Variants in MAN1A2 observed in about 807,000 individuals in gnomAD.
The protein encoded by MAN1A2 is mannosyl-oligosaccharide 1,2-alpha-mannosidase IB.
A neutral mutation model predicts 75.7 loss-of-function variants in MAN1A2; 26 were observed. The ratio of observed to expected loss-of-function variants is 0.34; its 90% CI spans 0.25 to 0.48. The LOEUF is 0.48. Among genes scored for constraint, MAN1A2 ranks in the 20% least tolerant of loss-of-function variants. The pLI is 0.99. For synonymous variants in MAN1A2, 247 were observed against 264.6 expected (o/e 0.93, Z 0.65); for missense variants, 562 against 775.5 (o/e 0.72, Z 3.27).
At chr1:117,522,224 T>C (rs1208024014) in intron 12 of MAN1A2, among the ~76,000 whole-genome samples, 1 of 151,806 alleles carries the variant, frequency 6.6e-6, no homozygotes, top group Non-Finnish European at 1.5e-5. Flanking sequence ...CCAATATTCC[T>C]CCTGAACATA....
At chr1:117,488,504 C>T (rs947164894) in intron 8 of MAN1A2, among the ~76,000 whole-genome samples, 2 of 151,670 alleles carry the variant, frequency 1.3e-5, no homozygotes, top group Non-Finnish European at 1.5e-5. Flanking sequence ...CTGCAAATGG[C>T]CATTTTATAT....
chr1:117,503,158 T>C (rs1035538200), intron 12 of MAN1A2, among the ~76,000 whole-genome samples, 188 bp downstream of exon 12: 3 of 151,578 alleles, frequency 2.0e-5, no homozygotes, highest in African/African-American at 7.3e-5. Flanking sequence ...GTAGGTATTT[T>C]ATCAAAAAAG....
At chr1:117,380,764 A>AGTATACACTG (rs1219590345) in intron 1 of MAN1A2, among the ~76,000 whole-genome samples, 6 of 152,156 alleles carry the variant, frequency 3.9e-5, no homozygotes, top group Non-Finnish European at 8.8e-5. Flanking sequence ...GTGTTGCTTA[A>AGTATACACTG]TGTAGCTTTG....
At chr1:117,510,481 T>C (rs532370262) in intron 12 of MAN1A2, among the ~76,000 whole-genome samples, 1 of 152,172 alleles carries the variant, frequency 6.6e-6, no homozygotes, top group African/African-American at 2.4e-5. Context: ...TAAAACTTGT[T>C]TTCTGTAAGT....
At chr1:117,433,679 C>A (rs951728946) in intron 5 of MAN1A2, among the ~76,000 whole-genome samples, 26 of 151,900 alleles carry the variant, frequency 1.7e-4, no homozygotes, top group Non-Finnish European at 3.1e-4. Flanking sequence ...TTTCTAAATT[C>A]TGTGTAGCCA....
rs1651915345 is a variant in MAN1A2 at position 117,523,108 on chromosome 1, T to TA, written c.*152dup. On this transcript the variant is annotated 3_prime_UTR_variant, in exon 13 of 13. Coordinates refer to ENST00000356554, the MANE Select transcript of MAN1A2 (RefSeq NM_006699.5). Reference sequence around the variant, plus strand: ...CCCCTAAGACTGTTCAACTTGTAGATACATCAACTTTGAAATTATTCCATT... The same window carrying TA: ...CCCCTAAGACTGTTCAACTTGTAGATAACATCAACTTTGAAATTATTCCATT... 2 of 819,730 alleles carry TA rather than the reference T, an allele frequency of 2.4e-6. No individual in the cohort carries two copies. The highest frequency in any genetic ancestry group is 4.1e-6 in the Non-Finnish European group (2 of 484,678). The allele number at this position is 819,730 out of a possible 1,614,324, so 50.8% of individuals were successfully genotyped here. A position where few individuals can be genotyped will look rare whatever the true frequency, so the allele number is the denominator to read the frequency against.
At chr1:117,414,666 A>G (rs1289948) in intron 3 of MAN1A2, 47 bp from the exon 4 acceptor site, 697,547 of 918,500 alleles carry the variant, frequency 0.76, 267,086 homozygotes, top group African/African-American at 0.87. Flanking sequence ...GAGAACAGGA[A>G]CCTAAAGGGA....
At chr1:117,393,840 G>A (rs557945021) in intron 1 of MAN1A2, among the ~76,000 whole-genome samples, 35 of 152,212 alleles carry the variant, frequency 2.3e-4, no homozygotes, top group African/African-American at 8.2e-4. Flanking sequence ...AGGTAGTAAT[G>A]GATGTGAATG....
At chr1:117,412,013 A>AT (rs1329156656) in intron 3 of MAN1A2, among the ~76,000 whole-genome samples, 1 of 151,546 alleles carries the variant, frequency 6.6e-6, no homozygotes, top group Non-Finnish European at 1.5e-5. Flanking sequence ...AGTAAATTCG[A>AT]TTTTTTTCCG....
intron 12 of MAN1A2, among the ~76,000 whole-genome samples, chr1:117,513,529 G>T (rs895028904): frequency 6.6e-6 from 1 of 151,896 alleles, no homozygotes; most frequent in Non-Finnish European, 1.5e-5. Context: ...CAGAAAAAAA[G>T]AATTGTTTAC....
intron 5 of MAN1A2, among the ~76,000 whole-genome samples, chr1:117,429,465 G>T (rs373882271): frequency 0.13 from 14,056 of 109,706 alleles, 761 homozygotes; most frequent in South Asian, 0.21. Flanking sequence ...CGGAGGGGGC[G>T]GCTGGCCGGG....
chr1:117,380,508 AT>A (rs1653296898), intron 1 of MAN1A2, among the ~76,000 whole-genome samples: 2 of 152,136 alleles, frequency 1.3e-5, no homozygotes, highest in Non-Finnish European at 1.5e-5. Flanking sequence ...TTTAACTCTT[AT>A]TTAGGTTGTT....
At chr1:117,497,939 T>TA (rs1056391426) in intron 10 of MAN1A2, among the ~76,000 whole-genome samples, 2 of 151,940 alleles carry the variant, frequency 1.3e-5, no homozygotes, top group African/African-American at 4.8e-5. Flanking sequence ...TATCATCAGA[T>TA]ACCATGAAAC....
At chr1:117,429,859 G>A (rs1648546041) in intron 5 of MAN1A2, among the ~76,000 whole-genome samples, 1 of 68,916 alleles carries the variant, frequency 1.5e-5, no homozygotes, top group African/African-American at 5.5e-5. Flanking sequence ...GCGGGGGGCC[G>A]ACCCCCCCAC....
chr1:117,466,059 A>G (rs992492825), intron 7 of MAN1A2, among the ~76,000 whole-genome samples: 4 of 152,166 alleles, frequency 2.6e-5, no homozygotes, highest in Non-Finnish European at 2.9e-5. Flanking sequence ...AGGTAGTAGC[A>G]TGTTGAGATT....
chr1:117,520,153 C>T (rs554811832), intron 12 of MAN1A2, among the ~76,000 whole-genome samples: 4 of 152,014 alleles, frequency 2.6e-5, no homozygotes, highest in South Asian at 4.2e-4. Flanking sequence ...TCAGCAAAAT[C>T]GGCATACAAG....
chr1:117,381,262 T>G (rs1315005194), intron 1 of MAN1A2, among the ~76,000 whole-genome samples: 1 of 152,148 alleles, frequency 6.6e-6, no homozygotes, highest in African/African-American at 2.4e-5. Flanking sequence ...TGTATACATG[T>G]GCCATGCTGG....
At chr1:117,385,256 A>G (rs950771040) in intron 1 of MAN1A2, among the ~76,000 whole-genome samples, 3 of 152,188 alleles carry the variant, frequency 2.0e-5, no homozygotes, top group African/African-American at 7.2e-5. Context: ...TCTTTCCAGT[A>G]GTAACAGAGA....
intron 12 of MAN1A2, among the ~76,000 whole-genome samples, chr1:117,511,231 C>A (rs1651524874): frequency 1.3e-5 from 2 of 152,078 alleles, no homozygotes; most frequent in South Asian, 4.2e-4. Context: ...GATCCAGTCA[C>A]CTCCCACCAC....
Sources: allele counts gnomAD v4.1 joint callset (sites outside exome capture counted in the v4.1 genomes callset), GRCh38; gene constraint gnomAD v4.1.1; transcripts MANE v1.5; gene names NCBI Gene and HGNC (gene_info 2026-07-23, HGNC 2026-07-21).